The following P3H1 variants were observed in gnomAD, a reference collection of about 807,000 sequenced individuals.
P3H1 encodes the protein prolyl 3-hydroxylase 1, also known as growth suppressor 1.
P3H1 carries 69 observed loss-of-function variants against 84.0 expected under a neutral mutation model. The ratio of observed to expected loss-of-function variants is 0.82; its 90% CI spans 0.68 to 1.00. The LOEUF is 1.00. Among genes scored for constraint, P3H1 ranks in the 50% least tolerant of loss-of-function variants. The pLI, the probability that P3H1 is intolerant of heterozygous loss-of-function variation, is 0.00. For missense variants in P3H1, 878 were observed against 962.8 expected (o/e 0.91, Z 1.17); for synonymous variants, 366 against 388.8 (o/e 0.94, Z 0.69).
At position 42,747,937 on chromosome 1, in the gene P3H1, C is replaced by T. The variant is rs182309738; in HGVS notation, c.1839-139G>A. The T allele has an allele frequency of 2.5e-4, 207 of 838,852 alleles. 3 individuals carry two copies. The East Asian group carries it at 4.9e-3, about 20-fold the overall frequency. 52.0% of individuals were successfully genotyped at this position (838,852 alleles called of 1,614,324 possible). ...AACCTTTAAGAACCTATACTGATGC[C>T]GTACAAACTCCACCTTTCCACTCTC... On this transcript the variant is annotated intron_variant, in intron 12 of 14. Transcript: ENST00000296388.
intron 10 of P3H1, 88 bp from the exon 11 acceptor site, chr1:42,750,424 A>G (rs1446689615): frequency 2.0e-6 from 3 of 1,463,536 alleles, no homozygotes; most frequent in African/African-American, 2.8e-5. Flanking sequence ...TGTAGTTCCC[A>G]TAATTCCCAT....
intron 1 of P3H1, among the ~76,000 whole-genome samples, chr1:42,763,737 A>G (rs1384995726): frequency 6.6e-6 from 1 of 151,708 alleles, no homozygotes; most frequent in Non-Finnish European, 1.5e-5. Flanking sequence ...ACAGACCACA[A>G]TGCCCACAGC....
chr1:42,752,427 G>A, intron 9 of P3H1, 58 bp from the exon 10 acceptor site: 1 of 1,609,156 alleles, frequency 6.2e-7, no homozygotes, highest in Non-Finnish European at 8.5e-7. Flanking sequence ...CTTGAGAAGA[G>A]GTGGTCAACT....
intron 10 of P3H1, among the ~76,000 whole-genome samples, chr1:42,750,950 G>T (rs1230732827): frequency 7.6e-6 from 1 of 132,288 alleles, no homozygotes; most frequent in African/African-American, 2.8e-5. Context: ...GTGGTGGGGG[G>T]GTCAGCCCCC....
chr1:42,754,448 G>T lies in P3H1; in HGVS notation c.1345+421C>A, dbSNP rs767870269. Among the ~76,000 whole-genome samples the T allele has an allele frequency of 1.3e-5, 2 of 152,172 alleles. No homozygotes were observed. Among genetic ancestry groups the T allele is most frequent in the Non-Finnish European group, 2.9e-5 (2 of 68,034 alleles). ...GGAGAAAACAGTTTGGGAGTGGGGA[G>T]ACAGGATGAGTTAATACCTATGGAA... On this transcript the variant is annotated intron_variant, in intron 8 of 14. Coordinates refer to ENST00000296388, the MANE Select transcript of P3H1 (RefSeq NM_022356.4). The surrounding 1 kb of genome is among the most constrained non-coding windows in gnomAD (Gnocchi z 4.0).
chr1:42,750,132 C>G, intron 11 of P3H1, 54 bp downstream of exon 11: 2 of 1,589,122 alleles, frequency 1.3e-6, no homozygotes, highest in Non-Finnish European at 1.7e-6. Context: ...GCATCCAGCA[C>G]AGAGCTGAGG....
chr1:42,747,547 A>T (rs1321624112), intron 13 of P3H1, 135 bp from the exon 14 acceptor site: 9 of 1,121,162 alleles, frequency 8.0e-6, no homozygotes, highest in Middle Eastern at 2.0e-4. Context: ...AGAACTAAAG[A>T]GAAAGGGTGA....
Position 42,756,144 on chromosome 1 carries a change from C to T in P3H1, c.1081-507G>A, listed in dbSNP as rs1054036068. ...GGAGATGTACCACTGTCTAAGGTGACACTACAGGACATGGGAGAGCAGCGA... is the reference window on the plus strand; with the variant it reads ...GGAGATGTACCACTGTCTAAGGTGATACTACAGGACATGGGAGAGCAGCGA... On this transcript the variant is annotated intron_variant, in intron 5 of 14. Coordinates refer to ENST00000296388, the MANE Select transcript of P3H1 (RefSeq NM_022356.4). Among the ~76,000 whole-genome samples, 8 of 152,298 alleles carry T rather than the reference C, an allele frequency of 5.3e-5. No homozygotes were observed. In the East Asian group the frequency reaches 1.5e-3, roughly 29 times the overall value.
chr1:42,763,672 CAAAAAAAAAAAAAAAAA>C (rs766034061), intron 1 of P3H1, among the ~76,000 whole-genome samples: 1 of 41,502 alleles, frequency 2.4e-5, no homozygotes, highest in African/African-American at 1.1e-4. Context: ...ACTCTTGTCT[CAAAAAAAAAAAAAAAAA>C]AAAAAAAAAA....
At position 42,766,988 on chromosome 1, in the gene P3H1, A is replaced by G; in HGVS notation, c.-17T>C. On this transcript the variant is annotated 5_prime_UTR_variant, in exon 1 of 15. Transcript: ENST00000296388. ...TACCGCCATCGCTCCCTCAGACCTA[A>G]CGGAACCGCCAGCCACCCGCCACCA... The G allele has an allele frequency of 6.2e-7, 1 of 1,603,794 alleles. No homozygotes were observed. The highest frequency in any genetic ancestry group is 1.1e-5 in the South Asian group (1 of 90,810).
chr1:42,760,469 C>T (rs1652650880), intron 2 of P3H1: 1 of 151,978 alleles, frequency 6.6e-6, no homozygotes, highest in Non-Finnish European at 1.5e-5. Flanking sequence ...GCCTCAGCCT[C>T]CTGAGAAGCT....
At chr1:42,747,884 G>T in intron 12 of P3H1, 86 bp from the exon 13 acceptor site, 1 of 1,297,632 alleles carries the variant, frequency 7.7e-7, no homozygotes, top group Non-Finnish European at 1.1e-6. Context: ...TCAACCAGCA[G>T]CAGGAGGGTG....
intron 5 of P3H1, chr1:42,756,304 G>A (rs1172805423): frequency 6.5e-6 from 1 of 153,842 alleles, no homozygotes; most frequent in Non-Finnish European, 1.4e-5. Flanking sequence ...CCTCCTCTCA[G>A]ACCCTAACCA....
intron 2 of P3H1, chr1:42,761,185 G>A (rs1276407072): frequency 6.6e-6 from 1 of 151,198 alleles, no homozygotes; most frequent in Non-Finnish European, 1.5e-5. Flanking sequence ...GGCCAGGCTG[G>A]TCTCAAACTC....
In P3H1 at chr1:42,755,551, A is replaced by G; in HGVS notation, c.1167T>C (p.Asp389=). The change falls in exon 6 of 15, where the codon GAT becomes GAC. Residue 389 remains aspartate (D), a synonymous_variant. Coordinates refer to ENST00000296388, the MANE Select transcript of P3H1 (RefSeq NM_022356.4). ...AYDVFGIPFV[D]PDSWTPEEVI... Reference sequence around the variant, plus strand: ...CGGCTCCTGTACCCTAGCTCACCGGATCCACAAAGGGAATTCCAAAAACAT... The same window carrying G: ...CGGCTCCTGTACCCTAGCTCACCGGGTCCACAAAGGGAATTCCAAAAACAT... 1 of 1,613,300 alleles carries G rather than the reference A, an allele frequency of 6.2e-7. No homozygotes were observed. Among genetic ancestry groups the G allele is most frequent in the Non-Finnish European group, 8.5e-7 (1 of 1,179,370 alleles).
At chr1:42,757,741 G>C (rs12127559) in intron 5 of P3H1, 42 bp downstream of exon 5, 1 of 1,613,970 alleles carries the variant, frequency 6.2e-7, no homozygotes, top group East Asian at 2.2e-5. Context: ...CCTCAGGTCT[G>C]AGTTCAGCTG....
intron 4 of P3H1, among the ~76,000 whole-genome samples, chr1:42,758,335 CA>C (rs1441219625): frequency 1.3e-5 from 2 of 152,184 alleles, no homozygotes; most frequent in Non-Finnish European, 2.9e-5. Flanking sequence ...ATTACAATAG[CA>C]GATTGTCTCT....
rs1484348826 is a variant in P3H1, at chr1:42,750,634, C to T, written c.1570-298G>A. ...AGCCCCTCAGCCCGGCCAGCCACCC[C>T]GTCCGGGAGGGAGGCCGGGGGGGGT... On this transcript the variant is annotated intron_variant, in intron 10 of 14. Transcript: ENST00000296388. Among the ~76,000 whole-genome samples the T allele has an allele frequency of 9.9e-5, 12 of 121,228 alleles. No homozygotes were observed. In the East Asian group the frequency reaches 3.0e-3, roughly 30 times the overall value. The allele number at this position is 121,228 out of a possible 152,430, so 79.5% of individuals were successfully genotyped here.
At chr1:42,747,931 T>C in intron 12 of P3H1, 133 bp from the exon 13 acceptor site, 1 of 871,224 alleles carries the variant, frequency 1.1e-6, no homozygotes, top group East Asian at 2.5e-5. Flanking sequence ...GAACCTATAC[T>C]GATGCCGTAC....
Sources: gnomAD v4.1 joint callset for allele counts (sites outside exome capture counted in the v4.1 genomes callset) on GRCh38, gnomAD v4.1.1 for gene constraint, Gnocchi (gnomAD v3.1) non-coding constraint, MANE v1.5 for transcripts, NCBI Gene and HGNC (gene_info 2026-07-23, HGNC 2026-07-21) for gene names.